SERPINA12: variants seen among roughly 807,000 people sequenced by gnomAD.
The protein encoded by SERPINA12 is serpin A12.
In SERPINA12, 21 loss-of-function variants were observed where a neutral mutation model predicts 25.9. That is an observed-to-expected ratio of 0.81 (90% CI 0.58 to 1.17). The LOEUF (loss-of-function observed/expected upper bound fraction) is 1.17, where lower values mean the gene tolerates loss of function less well. Ranked by LOEUF, SERPINA12 falls within the 50% of genes most tolerant of loss-of-function variation. The pLI is 0.00. For missense variants in SERPINA12, 562 were observed against 508.3 expected, an observed-to-expected ratio of 1.11 and a Z score of -1.02; for synonymous variants, 220 against 196.0, an observed-to-expected ratio of 1.12 and a Z score of -1.02.
At chr14:94,514,917 T>C (rs1203575411) in intron 2 of SERPINA12, among the ~76,000 whole-genome samples, 1 of 152,070 alleles carries the variant, frequency 6.6e-6, no homozygotes, top group Non-Finnish European at 1.5e-5. Flanking sequence ...GAACAGGCAA[T>C]GAATCAGGGC....
At chr14:94,513,024 T>C (rs1308039100), upstream of SERPINA12, among the ~76,000 whole-genome samples, 1 of 152,190 alleles carries the variant, frequency 6.6e-6, no homozygotes, top group Non-Finnish European at 1.5e-5. Context: ...GCCACTAGCA[T>C]AAGAATGAGG....
chr14:94,493,479 C>T (rs911371613), intron 3 of SERPINA12, among the ~76,000 whole-genome samples: 1 of 152,182 alleles, frequency 6.6e-6, no homozygotes, highest in Non-Finnish European at 1.5e-5. Flanking sequence ...AAAGCAGTCC[C>T]AGAGGGATGG....
chr14:94,500,642 G>A (rs1900677634), intron 1 of SERPINA12, among the ~76,000 whole-genome samples: 1 of 152,146 alleles, frequency 6.6e-6, no homozygotes, highest in Non-Finnish European at 1.5e-5. Context: ...GGGATGTCCT[G>A]GGCAGGAAGG....
chr14:94,507,210 T>G (rs775912101), intron 1 of SERPINA12, among the ~76,000 whole-genome samples: 3 of 152,256 alleles, frequency 2.0e-5, no homozygotes, highest in Non-Finnish European at 2.9e-5. Context: ...TTGGACTATA[T>G]GAAACTATTG....
rs1300533645 is a variant in SERPINA12 at position 94,509,396 on chromosome 14, A to T, written c.-88T>A. Reference sequence around the variant, plus strand: ...AGGTCAGTCTTCCTTGGCCTTCCCCAGTTGTTGCTGATCCCAGCCTCCTAG... The same window carrying T: ...AGGTCAGTCTTCCTTGGCCTTCCCCTGTTGTTGCTGATCCCAGCCTCCTAG... On this transcript the variant is annotated 5_prime_UTR_variant, in exon 1 of 5. Transcript: ENST00000677451. 2.0e-5 allele frequency among the ~76,000 whole-genome samples: 3 copies of T among 150,450 alleles called. No individual in the cohort carries two copies. Among genetic ancestry groups the T allele is most frequent in the Non-Finnish European group, 4.4e-5 (3 of 67,834 alleles).
chr14:94,491,308 G>T (rs962483247), intron 3 of SERPINA12, among the ~76,000 whole-genome samples: 5 of 152,196 alleles, frequency 3.3e-5, no homozygotes, highest in South Asian at 4.1e-4. Flanking sequence ...AGATTGACTT[G>T]CAGGAATCGA....
At chr14:94,494,050 G>T (rs1386801236) in intron 3 of SERPINA12, among the ~76,000 whole-genome samples, 2 of 152,132 alleles carry the variant, frequency 1.3e-5, no homozygotes, top group Admixed American at 6.5e-5. Flanking sequence ...TCAGGACAGT[G>T]AGTTCCAGCA....
At chr14:94,507,288 A>G (rs1394134993) in intron 1 of SERPINA12, among the ~76,000 whole-genome samples, 1 of 152,240 alleles carries the variant, frequency 6.6e-6, no homozygotes, top group African/African-American at 2.4e-5. Flanking sequence ...AAGAAAATAT[A>G]TTAATAGTAG....
At position 94,517,051 on chromosome 14, in the gene SERPINA12, G is replaced by A. The variant is rs534391328; in HGVS notation, c.-353+350C>T. Reference sequence around the variant, plus strand: ...GAACTTGCTGACCATAAATGTGAACGAAACTGCCCTTTGGGGGCACAGCAC... The same window carrying A: ...GAACTTGCTGACCATAAATGTGAACAAAACTGCCCTTTGGGGGCACAGCAC... On this transcript the variant is annotated intron_variant, in intron 1 of 5. Transcript: ENST00000341228. 7.9e-4 allele frequency among the ~76,000 whole-genome samples: 121 copies of A among 152,340 alleles called. 1 individual carries two copies. Among genetic ancestry groups the A allele is most frequent in the Non-Finnish European group, 1.3e-3 (88 of 68,030 alleles).
At chr14:94,500,966 G>A (rs1900691147) in intron 1 of SERPINA12, 1 of 983,492 alleles carries the variant, frequency 1.0e-6, no homozygotes, top group African/African-American at 1.7e-5. Context: ...ATTCCAGAAA[G>A]CACTTCCCTC....
chr14:94,513,218 A>G (rs1429512267), upstream of SERPINA12, among the ~76,000 whole-genome samples: 1 of 152,250 alleles, frequency 6.6e-6, no homozygotes, highest in Non-Finnish European at 1.5e-5. Flanking sequence ...GCATACTCTG[A>G]GTTGCCACGG....
At chr14:94,499,173 G>T (rs1458036622) in intron 1 of SERPINA12, among the ~76,000 whole-genome samples, 1 of 152,142 alleles carries the variant, frequency 6.6e-6, no homozygotes, top group Non-Finnish European at 1.5e-5. Context: ...CTTTGTTTAA[G>T]CTCATATGTT....
chr14:94,503,134 G>C, intron 1 of SERPINA12: 2 of 925,036 alleles, frequency 2.2e-6, no homozygotes, highest in Non-Finnish European at 2.6e-6. Flanking sequence ...GCTTTAAGAA[G>C]AAATCACTCT....
intron 4 of SERPINA12, among the ~76,000 whole-genome samples, chr14:94,488,376 C>G (rs551454912): frequency 2.6e-4 from 39 of 152,020 alleles, no homozygotes; most frequent in Non-Finnish European, 1.5e-5. Flanking sequence ...CCCCACCACC[C>G]ACTACTCCAT....
chr14:94,491,211 A>T (rs1245658043), intron 3 of SERPINA12, among the ~76,000 whole-genome samples: 1 of 152,220 alleles, frequency 6.6e-6, no homozygotes, highest in African/African-American at 2.4e-5. Flanking sequence ...AGGTGATAGA[A>T]TCAACACAAC....
upstream of SERPINA12, chr14:94,510,333 T>A: frequency 1.1e-6 from 1 of 899,992 alleles, no homozygotes; most frequent in Non-Finnish European, 1.3e-6. Context: ...ACAGAGGATA[T>A]AAAAAAAGAG....
At chr14:94,507,532 C>A (rs1269236029) in intron 1 of SERPINA12, among the ~76,000 whole-genome samples, 2 of 152,134 alleles carry the variant, frequency 1.3e-5, no homozygotes, top group Non-Finnish European at 2.9e-5. Context: ...AAAAACTAAG[C>A]AAAGACATGA....
chr14:94,501,166 T>C (rs1337753035), intron 1 of SERPINA12: 4 of 985,388 alleles, frequency 4.1e-6, no homozygotes, highest in Non-Finnish European at 4.8e-6. Flanking sequence ...TTTCAGGGTT[T>C]AGGGGGCTGC....
chr14:94,498,255 A>G lies in SERPINA12; in HGVS notation c.143T>C (p.Leu48Pro), dbSNP rs1306711875. 1.2e-6 allele frequency: 2 copies of G among 1,614,178 alleles called. No individual in the cohort carries two copies. The highest frequency in any genetic ancestry group is 1.7e-5 in the Admixed American group (1 of 60,032). ...GCCTAAGTCCATGTTCTGCCTTGCA[A>G]GCTCCTTGGCTGCCATCCTTTGCTT... ...GWKQRMAAKE[L>P]ARQNMDLGFK... The change falls in exon 2 of 5, where the codon CTT becomes CCT. Residue 48 changes from leucine (L) to proline (P), a missense_variant. By Grantham distance (98) the Leu-to-Pro change is moderately conservative. Coordinates refer to ENST00000677451, the MANE Select transcript of SERPINA12 (RefSeq NM_001382267.1).
Sources: allele counts gnomAD v4.1 joint callset (sites outside exome capture counted in the v4.1 genomes callset), GRCh38; gene constraint gnomAD v4.1.1; transcripts MANE v1.5; gene names NCBI Gene and HGNC (gene_info 2026-07-23, HGNC 2026-07-21).